PROSER3: variants seen among roughly 807,000 people sequenced by gnomAD.
PROSER3 encodes proline and serine rich 3.
A neutral mutation model predicts 50.2 loss-of-function variants in PROSER3; 33 were observed. The observed-to-expected ratio is 0.66, with a 90% CI of 0.50 to 0.88. PROSER3 has a LOEUF of 0.88. Among genes scored for constraint, PROSER3 ranks in the 40% least tolerant of loss-of-function variants. The probability of loss-of-function intolerance (pLI) is 0.00; values close to 1 mark genes in which losing one functional copy is unlikely to be tolerated. For missense variants in PROSER3, 623 were observed against 612.7 expected (o/e 1.02, Z -0.18); for synonymous variants, 266 against 259.3 (o/e 1.03, Z -0.25).
At chr19:35,767,689 G>T (rs1011679223) in intron 8 of PROSER3, 2 of 1,306,910 alleles carry the variant, frequency 1.5e-6, no homozygotes, top group Non-Finnish European at 2.1e-6. Context: ...TGGAGGACAC[G>T]CCTCCTCACT....
At chr19:35,767,992 C>T (rs1434878767) in exon 9 of PROSER3, 3 of 1,597,272 alleles carry the variant, frequency 1.9e-6, no homozygotes, top group African/African-American at 2.7e-5. Context: ...TGGCCCCGCC[C>T]CCGCCCGCTG....
chr19:35,766,135 T>C (rs1971133792), intron 7 of PROSER3, among the ~76,000 whole-genome samples: 1 of 151,812 alleles, frequency 6.6e-6, no homozygotes, highest in Admixed American at 6.6e-5. Flanking sequence ...CCAGGTTGGG[T>C]GAGTGGGGCT....
At chr19:35,762,059 G>A in exon 4 of PROSER3, 2 of 1,611,080 alleles carry the variant, frequency 1.2e-6, no homozygotes, top group Non-Finnish European at 1.7e-6. Flanking sequence ...CACCAGTCGA[G>A]AGGAGCGCCA....
At chr19:35,763,183 A>G (rs1914746500) in intron 5 of PROSER3, 1 of 151,918 alleles carries the variant, frequency 6.6e-6, no homozygotes, top group African/African-American at 2.4e-5. Flanking sequence ...GGAGAGACCC[A>G]ACTCTCTCTG....
downstream of PROSER3, chr19:35,769,251 T>C (rs1044276562): frequency 4.0e-5 from 6 of 151,650 alleles, no homozygotes; most frequent in East Asian, 1.9e-4. Context: ...TCAAATTCCA[T>C]AGGTCCTAAA....
intron 3 of PROSER3, among the ~76,000 whole-genome samples, chr19:35,760,690 T>C (rs1322103111): frequency 6.6e-6 from 1 of 152,124 alleles, no homozygotes; most frequent in African/African-American, 2.4e-5. Flanking sequence ...TTTCACCATG[T>C]TGGCCAGGCT....
intron 2 of PROSER3, 44 bp from the exon 3 acceptor site, chr19:35,759,745 T>C (rs7254581): frequency 0.1 from 151,132 of 1,505,654 alleles, 10,395 homozygotes; most frequent in African/African-American, 0.35. Context: ...GGATGACCCA[T>C]GAGACCTCAC....
At chr19:35,766,076 G>C (rs750925121) in intron 7 of PROSER3, among the ~76,000 whole-genome samples, 37 of 152,120 alleles carry the variant, frequency 2.4e-4, no homozygotes, top group Non-Finnish European at 4.9e-4. Flanking sequence ...CTGAGAGTAG[G>C]GAACAGATTT....
intron 5 of PROSER3, among the ~76,000 whole-genome samples, chr19:35,763,947 C>T (rs1308550939): frequency 6.6e-6 from 1 of 151,886 alleles, no homozygotes; most frequent in Non-Finnish European, 1.5e-5. Context: ...CCACCATGCC[C>T]AGCTAATTTT....
rs1971087402 is a variant in PROSER3, at chr19:35,764,939, G to A, written c.626+3G>A. Reference sequence around the variant, plus strand: ...GCTGCCAGGCTGCTCAAACGCAGGTGCCCGCACCCCTGCCCCCATCACCCT... The same window carrying A: ...GCTGCCAGGCTGCTCAAACGCAGGTACCCGCACCCCTGCCCCCATCACCCT... On this transcript the variant is annotated splice_donor_region_variant and intron_variant, in intron 6 of 10. Coordinates refer to ENST00000396908, the Ensembl canonical transcript of PROSER3. 1 of 1,613,334 alleles carries A rather than the reference G, an allele frequency of 6.2e-7. No individual in the cohort carries two copies. The highest frequency in any genetic ancestry group is 1.1e-5 in the South Asian group (1 of 91,080).
chr19:35,762,365 C>T lies in PROSER3; in HGVS notation c.543+9C>T. On this transcript the variant is annotated intron_variant, in intron 5 of 10. Coordinates refer to ENST00000396908, the Ensembl canonical transcript of PROSER3. ...TTCAGGAAATAAAGCAGGTGACATC[C>T]CCATTCACTCCCTCCCTTGGGTGCC... The T allele has an allele frequency of 6.3e-7, 1 of 1,581,636 alleles. No individual in the cohort carries two copies. The highest frequency in any genetic ancestry group is 8.6e-7 in the Non-Finnish European group (1 of 1,161,374).
intron 5 of PROSER3, 190 bp downstream of exon 5, chr19:35,762,546 TAAAAAA>T: frequency 6.1e-5 from 15 of 247,904 alleles, no homozygotes; most frequent in South Asian, 1.5e-4. Context: ...CTGCCTCTAC[TAAAAAA>T]AAAAAAAAAA....
exon 5 of PROSER3, chr19:35,762,337 C>T (rs980174082): frequency 6.2e-7 from 1 of 1,605,846 alleles, no homozygotes; most frequent in Non-Finnish European, 8.5e-7. Flanking sequence ...GCTGTGGCTC[C>T]CCTTCAGGAA....
chr19:35,760,225 T>G (rs1970911521), intron 3 of PROSER3, among the ~76,000 whole-genome samples: 1 of 152,116 alleles, frequency 6.6e-6, no homozygotes, highest in Non-Finnish European at 1.5e-5. Flanking sequence ...ATTTATTTAT[T>G]TATTTGTTTA....
chr19:35,768,193 C>T lies in PROSER3; in HGVS notation c.1258C>T (p.Gln420Ter), dbSNP rs1272161808. 1.2e-6 allele frequency: 2 copies of T among 1,613,630 alleles called. No homozygotes were observed. The highest frequency in any genetic ancestry group is 1.7e-6 in the Non-Finnish European group (2 of 1,179,724). Residue 420 changes from glutamine to a stop codon, truncating the protein, a stop_gained, in exon 10 of 11, where the codon CAG becomes TAG. Transcript: ENST00000396908. LOFTEE classifies it low-confidence loss of function (END_TRUNC). ...CGAGTTCCAGGACGATCCCGTGCTG[C>T]AGGTGCTAAGAGCCCATAGGGCAGA... is the stretch of plus-strand genomic sequence containing the variant.
Position 35,767,855 on chromosome 19 carries a change from CG to C in PROSER3, c.1011del (p.Lys338ArgfsTer85), listed in dbSNP as rs1568414586. 6.2e-7 allele frequency: 1 copy of C among 1,612,576 alleles called. No individual in the cohort carries two copies. The highest frequency in any genetic ancestry group is 1.1e-5 in the South Asian group (1 of 90,998). ...GCCGCCCGCAGCGGGGTCAGTGATA[CG>C]GAAGAGCGAAGCCACTCCTTCCCCT... On this transcript the variant is annotated frameshift_variant, in exon 9 of 11. Transcript: ENST00000396908. LOFTEE classifies it high-confidence loss of function.
At chr19:35,765,064 C>T (rs7252936) in exon 7 of PROSER3, 1 of 1,613,856 alleles carries the variant, frequency 6.2e-7, no homozygotes, top group Admixed American at 1.7e-5. Context: ...CCTCCTCCCT[C>T]AGCCCCAGCG....
chr19:35,765,155 G>A, exon 7 of PROSER3: 1 of 1,613,618 alleles, frequency 6.2e-7, no homozygotes, highest in Non-Finnish European at 8.5e-7. Flanking sequence ...CTCCAGCAAG[G>A]GCCTTGGCCC....
chr19:35,769,650 C>T (rs1250031503), downstream of PROSER3: 3 of 152,186 alleles, frequency 2.0e-5, no homozygotes, highest in Non-Finnish European at 4.4e-5. Context: ...CCGCTCAGAC[C>T]AAAAACCTTA....
Sources: gnomAD v4.1 joint callset for allele counts (sites outside exome capture counted in the v4.1 genomes callset) on GRCh38, gnomAD v4.1.1 for gene constraint, MANE v1.5 for transcripts, NCBI Gene and HGNC (gene_info 2026-07-23, HGNC 2026-07-21) for gene names.